Variants in SPINK8 observed in about 807,000 individuals in gnomAD.
The protein encoded by SPINK8 is serine protease inhibitor Kazal-type 8.
SPINK8 carries 12 observed loss-of-function variants against 14.4 expected under a neutral mutation model. The observed-to-expected ratio is 0.83, with a 90% CI of 0.53 to 1.35. SPINK8 has a LOEUF of 1.35. Among genes scored for constraint, SPINK8 ranks in the 40% most tolerant of loss-of-function variants. The pLI, the probability that SPINK8 is intolerant of heterozygous loss-of-function variation, is 0.00. For synonymous variants in SPINK8, 32 were observed against 37.6 expected, an observed-to-expected ratio of 0.85 and a Z score of 0.55; for missense variants, 103 against 117.0, an observed-to-expected ratio of 0.88 and a Z score of 0.55.
Position 48,330,475 on chromosome 3 carries a change from C to T in SPINK8, c.-135-1201G>A, listed in dbSNP as rs532691836. 4.6e-5 allele frequency among the ~76,000 whole-genome samples: 7 copies of T among 152,182 alleles called. No homozygotes were observed. The South Asian group carries it at 8.3e-4, about 18-fold the overall frequency. Reference sequence around the variant, plus strand: ...CAGAGGTTGCAGTAAGCCGAGATCGCGCCACTGCACTCTAGCTTGGGAGAC... The same window carrying T: ...CAGAGGTTGCAGTAAGCCGAGATCGTGCCACTGCACTCTAGCTTGGGAGAC... On this transcript the variant is annotated intron_variant, in intron 2 of 7. Coordinates refer to ENST00000434006, the MANE Select transcript of SPINK8 (RefSeq NM_001080525.3).
intron 2 of SPINK8, among the ~76,000 whole-genome samples, chr3:48,330,474 G>A (rs571588704): frequency 3.3e-5 from 5 of 152,198 alleles, no homozygotes; most frequent in Admixed American, 2.0e-4. Context: ...AGCCGAGATC[G>A]CGCCACTGCA....
At chr3:48,324,532 A>C (rs2036114778) in intron 4 of SPINK8, among the ~76,000 whole-genome samples, 1 of 152,182 alleles carries the variant, frequency 6.6e-6, no homozygotes, top group African/African-American at 2.4e-5. Flanking sequence ...TAGTGGTGAG[A>C]GCAACGTTGC....
At chr3:48,324,314 A>C (rs190684642) in intron 4 of SPINK8, among the ~76,000 whole-genome samples, 162 of 152,272 alleles carry the variant, frequency 1.1e-3, no homozygotes, top group Non-Finnish European at 2.0e-3. Flanking sequence ...TAGATATACA[A>C]ATGATTTTTG....
chr3:48,328,580 A>G (rs1168485086), intron 3 of SPINK8, among the ~76,000 whole-genome samples: 2 of 152,248 alleles, frequency 1.3e-5, no homozygotes, highest in Non-Finnish European at 2.9e-5. Context: ...AAGATGCCAG[A>G]AAAAGAGTTA....
intron 4 of SPINK8, among the ~76,000 whole-genome samples, chr3:48,325,355 T>G (rs1264917027): frequency 6.6e-6 from 1 of 152,162 alleles, no homozygotes. Flanking sequence ...TATGTCTCCT[T>G]TTTTCTCAAG....
chr3:48,319,439 T>C, intron 6 of SPINK8, 58 bp downstream of exon 6: 1 of 1,606,074 alleles, frequency 6.2e-7, no homozygotes, highest in Non-Finnish European at 8.5e-7. Context: ...CATCACCCTC[T>C]TTTGACCACT....
At chr3:48,319,688 C>T in intron 5 of SPINK8, 70 bp from the exon 6 acceptor site, 4 of 1,594,906 alleles carry the variant, frequency 2.5e-6, no homozygotes, top group Non-Finnish European at 3.4e-6. Context: ...TTATGTATAG[C>T]TTGGGAGGTG....
At chr3:48,314,571 T>C (rs747523098) in intron 6 of SPINK8, among the ~76,000 whole-genome samples, 3 of 152,212 alleles carry the variant, frequency 2.0e-5, no homozygotes, top group East Asian at 1.9e-4. Flanking sequence ...CAATGCACCA[T>C]TACCAGAGAA....
chr3:48,327,226 G>A (rs1169191933), intron 4 of SPINK8, among the ~76,000 whole-genome samples: 7 of 152,168 alleles, frequency 4.6e-5, no homozygotes, highest in South Asian at 2.1e-4. Context: ...CAAAGGGAAC[G>A]GTTAAGGAGA....
chr3:48,324,757 T>C (rs1019821783), intron 4 of SPINK8, among the ~76,000 whole-genome samples: 1 of 152,206 alleles, frequency 6.6e-6, no homozygotes, highest in South Asian at 2.1e-4. Flanking sequence ...GAGCAGTATG[T>C]GTATTCTGAT....
Position 48,329,226 on chromosome 3 carries a change from G to A in SPINK8, c.-87C>T, listed in dbSNP as rs913174337. On this transcript the variant is annotated 5_prime_UTR_variant, in exon 3 of 8. Transcript: ENST00000434006. The stretch of plus-strand genomic sequence containing the variant: ...TTTTTGTTGATAGTTTGTTCATAAT[G>A]AACTAGGAAGGAAGGCAAAGCTTAT... Among the ~76,000 whole-genome samples, 2 of 152,202 alleles carry A rather than the reference G, an allele frequency of 1.3e-5. No homozygotes were observed. The highest frequency in any genetic ancestry group is 4.8e-5 in the African/African-American group (2 of 41,456).
rs759225416 is a variant in SPINK8, at chr3:48,321,083, C to G, written c.68-9G>C. ...CATAGGAAGGGGGAAGTCTGGAAGA[C>G]AAAAGCACATACAGAAAAGTTGCTT... On this transcript the variant is annotated splice_polypyrimidine_tract_variant and intron_variant, in intron 4 of 7. Transcript: ENST00000434006. 24 of 1,573,382 alleles carry G rather than the reference C, an allele frequency of 1.5e-5. No individual in the cohort carries two copies. The highest frequency in any genetic ancestry group is 3.5e-6 in the Non-Finnish European group (4 of 1,158,158).
At position 48,309,344 on chromosome 3, in the gene SPINK8, G is replaced by A. The variant is rs1575339736; in HGVS notation, c.282+560C>T. Among the ~76,000 whole-genome samples, 8 of 152,180 alleles carry A rather than the reference G, an allele frequency of 5.3e-5. No individual in the cohort carries two copies. The South Asian group carries it at 1.5e-3, about 28-fold the overall frequency. ...ACACAATCTCTAGACCTAGGGCTCCGGCAAGTCCTGGCCCATTCACTCTCA... is the reference window on the plus strand; with the variant it reads ...ACACAATCTCTAGACCTAGGGCTCCAGCAAGTCCTGGCCCATTCACTCTCA... On this transcript the variant is annotated intron_variant, in intron 7 of 7. Transcript: ENST00000434006.
chr3:48,307,067 C>T, intron 7 of SPINK8, 64 bp from the exon 8 acceptor site: 2 of 1,489,480 alleles, frequency 1.3e-6, no homozygotes, highest in Non-Finnish European at 9.3e-7. Context: ...AGCCACCACA[C>T]TGGTAAACAC....
rs563502491 is a variant in SPINK8, at chr3:48,316,118, G to A, written c.239+3379C>T. 3.9e-5 allele frequency among the ~76,000 whole-genome samples: 6 copies of A among 152,246 alleles called. No individual in the cohort carries two copies. In the South Asian group the frequency reaches 1.2e-3, roughly 32 times the overall value. ...ATGAATATAGCCACAGAGAAGTGTG[G>A]GACACTGTCAAGGGCATCAACATAT... On this transcript the variant is annotated intron_variant, in intron 6 of 7. Transcript: ENST00000434006.
rs749246030 is a variant in SPINK8 at position 48,321,067 on chromosome 3, G to C, written c.75C>G (p.Pro25=). The C allele has an allele frequency of 3.8e-6, 6 of 1,581,548 alleles. No homozygotes were observed. The East Asian group carries it at 6.8e-5, about 18-fold the overall frequency. The change falls in exon 5 of 8, where the codon CCC becomes CCG. Residue 25 remains proline (P), a synonymous_variant. Coordinates refer to ENST00000434006, the MANE Select transcript of SPINK8 (RefSeq NM_001080525.3). ...SMWMAFAIDF[P]LPMASERGQL... is the part of the protein sequence containing the mutation. ...GACCTCTTTCAGAGGCCATAGGAAG[G>C]GGGAAGTCTGGAAGACAAAAGCACA...
intron 6 of SPINK8, 39 bp from the exon 7 acceptor site, chr3:48,309,985 G>A: frequency 1.5e-6 from 2 of 1,367,696 alleles, no homozygotes; most frequent in Non-Finnish European, 9.5e-7. Context: ...TTTGCTGTAT[G>A]GTATATCATA....
At chr3:48,325,613 A>G in intron 4 of SPINK8, among the ~76,000 whole-genome samples, 2 of 135,152 alleles carry the variant, frequency 1.5e-5, no homozygotes, top group Non-Finnish European at 1.6e-5. Context: ...TTTTTTTGAG[A>G]GTGAGTTTCA....
At chr3:48,326,962 C>A (rs2036154950) in intron 4 of SPINK8, among the ~76,000 whole-genome samples, 1 of 151,954 alleles carries the variant, frequency 6.6e-6, no homozygotes, top group African/African-American at 2.4e-5. Context: ...ATCTATATAT[C>A]TTCCACCACT....
Sources: allele counts gnomAD v4.1 joint callset (sites outside exome capture counted in the v4.1 genomes callset), GRCh38; gene constraint gnomAD v4.1.1; transcripts MANE v1.5; gene names NCBI Gene and HGNC (gene_info 2026-07-23, HGNC 2026-07-21).